The following TAB3 variants were observed in gnomAD, a reference collection of about 807,000 sequenced individuals.
TAB3 encodes TGF-beta-activated kinase 1 and MAP3K7-binding protein 3.
In TAB3, 18 loss-of-function variants were observed where a neutral mutation model predicts 48.1. That is an observed-to-expected ratio of 0.37 (90% CI 0.26 to 0.55). TAB3 has a LOEUF of 0.55. TAB3 is among the 20% of genes least tolerant of loss of function. TAB3 has a pLI of 0.78. For missense variants in TAB3, 414 were observed against 549.8 expected (o/e 0.75, Z 2.47); for synonymous variants, 185 against 190.2 (o/e 0.97, Z 0.22).
intron 1 of TAB3, among the ~76,000 whole-genome samples, chrX:30,883,253 G>A (rs1940043402): frequency 8.9e-6 from 1 of 112,036 alleles, no homozygotes; most frequent in African/African-American, 3.2e-5. Context: ...GCAGTGGACA[G>A]CCAAGCAGAC....
intron 7 of TAB3, among the ~76,000 whole-genome samples, chrX:30,850,858 C>A (rs924839599): frequency 9.8e-6 from 1 of 102,261 alleles, no homozygotes; most frequent in South Asian, 4.3e-4. Flanking sequence ...CAAAAAAAAA[C>A]CAATATTTTA....
rs192552777 is a variant in TAB3, at chrX:30,863,710, C to A, written c.-91+3405G>T. ...GGCAGATATTGGTGCCATGCTTATG[C>A]AGCCTGTAGAATCCTGAGCCAATTA... On this transcript the variant is annotated intron_variant, in intron 4 of 10. Transcript: ENST00000288422. Among the ~76,000 whole-genome samples, 63 of 112,509 alleles carry A rather than the reference C, an allele frequency of 5.6e-4. No homozygotes were observed. The East Asian group carries it at 0.013, about 24-fold the overall frequency.
At chrX:30,851,106 T>A (rs1325757042) in intron 7 of TAB3, among the ~76,000 whole-genome samples, 1 of 112,287 alleles carries the variant, frequency 8.9e-6, no homozygotes, top group African/African-American at 3.2e-5. Flanking sequence ...TATATTAACA[T>A]CACCTTTCCA....
chrX:30,882,216 C>T lies in TAB3; in HGVS notation c.-383+6898G>A, dbSNP rs183738142. On this transcript the variant is annotated intron_variant, in intron 1 of 10. Coordinates refer to ENST00000288422, the MANE Select transcript of TAB3 (RefSeq NM_152787.5). ...ATCGAAACCAAGGATTTTCTAAAAG[C>T]GCATATAAACAAATGTTCTAAATTA... Among the ~76,000 whole-genome samples, 9 of 111,372 alleles carry T rather than the reference C, an allele frequency of 8.1e-5. No homozygotes were observed. The East Asian group carries it at 2.5e-3, about 31-fold the overall frequency.
rs146114527 is a variant in TAB3, at chrX:30,855,378, C to T, written c.287G>A (p.Arg96Gln). The change falls in exon 6 of 11, where the codon CGA (arginine) becomes CAA (glutamine). Residue 96 changes from arginine (R) to glutamine (Q), a missense_variant. By Grantham distance (43) the Arg-to-Gln change is conservative (BLOSUM62 1). Coordinates refer to ENST00000288422, the MANE Select transcript of TAB3 (RefSeq NM_152787.5). ...PGDGAQLNGG[R>Q]TLVHSSSDGH... Reference sequence around the variant, plus strand: ...ATCACTTGAGCTATGTACCAGTGTTCGACCACCATTAAGTTGGGCTCCATC... The same window carrying T: ...ATCACTTGAGCTATGTACCAGTGTTTGACCACCATTAAGTTGGGCTCCATC... The T allele has an allele frequency of 7.4e-5, 90 of 1,208,994 alleles. No individual in the cohort carries two copies. Among genetic ancestry groups the T allele is most frequent in the Middle Eastern group, 4.6e-4 (2 of 4,369 alleles).
chrX:30,846,694 C>T, intron 7 of TAB3, 50 bp from the exon 8 acceptor site: 2 of 848,428 alleles, frequency 2.4e-6, no homozygotes, highest in Non-Finnish European at 3.4e-6. Context: ...CATTATCAAG[C>T]CCAACATTTA....
At chrX:30,852,355 A>C (rs962396744) in intron 7 of TAB3, among the ~76,000 whole-genome samples, 19 of 112,201 alleles carry the variant, frequency 1.7e-4, no homozygotes, top group African/African-American at 6.1e-4. Context: ...ATTCATATTG[A>C]TCTAACTCAT....
chrX:30,866,903 A>G (rs1202366723), intron 4 of TAB3, among the ~76,000 whole-genome samples: 6 of 108,281 alleles, frequency 5.5e-5, no homozygotes, highest in Non-Finnish European at 1.2e-4. Flanking sequence ...ATTACAGTGA[A>G]GAAACCTGAC....
intron 9 of TAB3, chrX:30,836,738 G>A (rs913971715): frequency 8.9e-6 from 1 of 111,823 alleles, no homozygotes; most frequent in Non-Finnish European, 1.9e-5. Context: ...AGCTACTCAG[G>A]TGGCTGAGGC....
intron 4 of TAB3, among the ~76,000 whole-genome samples, chrX:30,862,124 C>T (rs748477999): frequency 8.9e-6 from 1 of 111,973 alleles, no homozygotes; most frequent in Admixed American, 9.5e-5. Flanking sequence ...CTAGCACAGG[C>T]TAGCTGTTCA....
In TAB3 at chrX:30,868,368, T is replaced by TATATATATATATA. The variant is rs755452674; in HGVS notation, c.-279-820_-279-819insTATATATATATAT. 1.6e-3 allele frequency among the ~76,000 whole-genome samples: 8 copies of TATATATATATATA among 4,948 alleles called. 2 individuals carry two copies. The East Asian group carries it at 0.024, about 15-fold the overall frequency. 4.3% of individuals were successfully genotyped at this position (4,948 alleles called of 115,157 possible). ...TATATATAGCTTATATATATATATA[T>TATATATATATATA]AGCTTATATATATATAGCTTATATA... On this transcript the variant is annotated intron_variant, in intron 2 of 10. Transcript: ENST00000288422.
At chrX:30,874,216 T>C (rs1353594917) in intron 1 of TAB3, among the ~76,000 whole-genome samples, 1 of 111,953 alleles carries the variant, frequency 8.9e-6, no homozygotes, top group African/African-American at 3.3e-5. Flanking sequence ...AGGTGGATTT[T>C]TGACTCTGCA....
At chrX:30,882,460 T>C (rs925902076) in intron 1 of TAB3, among the ~76,000 whole-genome samples, 1 of 111,928 alleles carries the variant, frequency 8.9e-6, no homozygotes, top group African/African-American at 3.2e-5. Flanking sequence ...AGTTTTAAAT[T>C]ATAAAAATGC....
chrX:30,859,664 C>T lies in TAB3; in HGVS notation c.-76G>A, dbSNP rs149468489. 1.4e-3 allele frequency: 830 copies of T among 603,520 alleles called. 3 individuals are homozygous for T. The African/African-American group carries it at 0.016, about 12-fold the overall frequency. 49.7% of individuals were successfully genotyped at this position (603,520 alleles called of 1,213,427 possible). ...CTTTCCAAAAGTAATGATCTTCTAG[C>T]ACCACAGTCATTTTCTATTTAAAAA... On this transcript the variant is annotated 5_prime_UTR_variant, in exon 5 of 11. Transcript: ENST00000288422.
chrX:30,836,681 A>G (rs1231512561), intron 9 of TAB3: 1 of 111,080 alleles, frequency 9.0e-6, no homozygotes, highest in Non-Finnish European at 1.9e-5. Context: ...TGTCTCCACA[A>G]AAAATACACA....
chrX:30,882,678 G>A lies in TAB3; in HGVS notation c.-383+6436C>T, dbSNP rs192149937. Among the ~76,000 whole-genome samples the A allele has an allele frequency of 8.4e-4, 94 of 111,817 alleles. 1 individual carries two copies. Among genetic ancestry groups the A allele is most frequent in the African/African-American group, 3.0e-3 (91 of 30,799 alleles). ...CAGAAATCTATTCACTAAAGAACTG[G>A]AGGGCTCCATGATATAAAAACAAAT... is the stretch of plus-strand genomic sequence containing the variant. On this transcript the variant is annotated intron_variant, in intron 1 of 10. Coordinates refer to ENST00000288422, the MANE Select transcript of TAB3 (RefSeq NM_152787.5).
Position 30,831,521 on chromosome X carries a change from T to C in TAB3, c.2045A>G (p.Tyr682Cys), listed in dbSNP as rs2014012391. ...ATCACAATTCCATGGAGCCCCTTCG[T>C]AGTCTTCATCTCGAGGTTGTGTCCG... is the stretch of plus-strand genomic sequence containing the variant. ...SPRTQPRDED[Y>C]EGAPWNCDSC... is the part of the protein sequence containing the mutation. Residue 682 changes from tyrosine to cysteine, a missense_variant, in exon 11 of 11, where the codon TAC (tyrosine) becomes TGC (cysteine). Coordinates refer to ENST00000288422, the MANE Select transcript of TAB3 (RefSeq NM_152787.5). 1 of 1,209,248 alleles carries C rather than the reference T, an allele frequency of 8.3e-7. No homozygotes were observed.
intron 1 of TAB3, among the ~76,000 whole-genome samples, chrX:30,872,357 A>G (rs1400474477): frequency 6.3e-5 from 7 of 111,140 alleles, no homozygotes; most frequent in African/African-American, 2.3e-4. Flanking sequence ...GAGAGTATAC[A>G]ATCTTTTCTT....
Position 30,854,857 on chromosome X carries a change from G to A in TAB3, c.808C>T (p.Pro270Ser), listed in dbSNP as rs1465864313. The change falls in exon 6 of 11, where the codon CCA becomes TCA. Residue 270 changes from proline to serine, a missense_variant. Physicochemically the swap from Pro to Ser is moderately conservative, Grantham distance 74. Transcript: ENST00000288422. ...GAAGGCTGATAGTTCTGTTGGTGTG[G>A]ATAAACAGGTAAAGGACGCTGGCTA... Reference protein sequence around the residue: ...HYSQRPLPVYPHQQNYQPSQY... With the variant: ...HYSQRPLPVYSHQQNYQPSQY... 7 of 1,209,290 alleles carry A rather than the reference G, an allele frequency of 5.8e-6. No homozygotes were observed. The Admixed American group carries it at 6.6e-5, about 11-fold the overall frequency.
Sources: gnomAD v4.1 joint callset for allele counts (sites outside exome capture counted in the v4.1 genomes callset) on GRCh38, gnomAD v4.1.1 for gene constraint, MANE v1.5 for transcripts, NCBI Gene and HGNC (gene_info 2026-07-23, HGNC 2026-07-21) for gene names.